NMNAT2: variants seen among roughly 807,000 people sequenced by gnomAD.
NMNAT2 encodes the protein nicotinamide/nicotinic acid mononucleotide adenylyltransferase 2.
NMNAT2 carries 11 observed loss-of-function variants against 41.6 expected under a neutral mutation model. That is an observed-to-expected ratio of 0.26 (90% CI 0.17 to 0.44). NMNAT2 has a LOEUF of 0.44. Ranked by LOEUF, NMNAT2 falls within the 20% of genes least tolerant of loss-of-function variation. NMNAT2 has a pLI of 1.00. For missense variants in NMNAT2, 288 were observed against 407.7 expected, an observed-to-expected ratio of 0.71 and a Z score of 2.53; for synonymous variants, 148 against 151.2, an observed-to-expected ratio of 0.98 and a Z score of 0.16.
intron 1 of NMNAT2, among the ~76,000 whole-genome samples, chr1:183,319,190 C>A (rs1571595454): frequency 6.6e-6 from 1 of 152,142 alleles, no homozygotes; most frequent in African/African-American, 2.4e-5. Flanking sequence ...GTTGACTCAC[C>A]CCAAAAAATC....
chr1:183,333,975 CAT>C (rs1182592063), intron 1 of NMNAT2, among the ~76,000 whole-genome samples: 5 of 152,162 alleles, frequency 3.3e-5, no homozygotes, highest in African/African-American at 9.7e-5. Flanking sequence ...AAAATGATCT[CAT>C]TGTTCCCAGT....
At position 183,249,729 on chromosome 1, in the gene NMNAT2, G is replaced by T; in HGVS notation, c.*2912C>A. 7.2e-6 allele frequency: 1 copy of T among 138,572 alleles called. No homozygotes were observed. The highest frequency in any genetic ancestry group is 1.5e-5 in the Non-Finnish European group (1 of 65,964). 8.6% of individuals were successfully genotyped at this position (138,572 alleles called of 1,614,324 possible). A position where few individuals can be genotyped will look rare whatever the true frequency, so the allele number is the denominator to read the frequency against. On this transcript the variant is annotated 3_prime_UTR_variant, in exon 11 of 11. Transcript: ENST00000287713. The stretch of plus-strand genomic sequence containing the variant: ...TGTGTGTGTGTGTGTGTGTGTGTGT[G>T]TGTTTGGGGGGTAGGGGGTGCGGCG...
chr1:183,399,505 C>T (rs1648749005), intron 1 of NMNAT2, among the ~76,000 whole-genome samples: 1 of 152,280 alleles, frequency 6.6e-6, no homozygotes, highest in African/African-American at 2.4e-5. Context: ...GGTACCATTC[C>T]TTCTGAAACT....
At chr1:183,307,658 G>T (rs6688595) in intron 1 of NMNAT2, among the ~76,000 whole-genome samples, 1 of 152,162 alleles carries the variant, frequency 6.6e-6, no homozygotes, top group African/African-American at 2.4e-5. Context: ...GGCTAGGCTG[G>T]TCTTGAACTC....
chr1:183,338,223 A>AGAACTATGATATG, intron 1 of NMNAT2, among the ~76,000 whole-genome samples: 1 of 150,086 alleles, frequency 6.7e-6, no homozygotes, highest in East Asian at 2.0e-4. Flanking sequence ...CAGATCATTA[A>AGAACTATGATATG]CCGTGAGGCA....
chr1:183,304,608 AT>A (rs1240141048), intron 1 of NMNAT2: 2 of 1,475,674 alleles, frequency 1.4e-6, no homozygotes, highest in Non-Finnish European at 1.9e-6. Context: ...TTTCTTGACC[AT>A]CTGCACCTCC....
intron 5 of NMNAT2, 140 bp from the exon 6 acceptor site, chr1:183,284,930 G>T: frequency 1.5e-6 from 1 of 668,942 alleles, no homozygotes; most frequent in South Asian, 1.7e-5. Flanking sequence ...GAGGTAGCAG[G>T]AGGGTAGAGA....
At chr1:183,387,923 T>G (rs1648306949) in intron 1 of NMNAT2, among the ~76,000 whole-genome samples, 2 of 152,158 alleles carry the variant, frequency 1.3e-5, no homozygotes, top group South Asian at 2.1e-4. Context: ...TACTAGTGAG[T>G]GAGGTCAGTC....
intron 1 of NMNAT2, among the ~76,000 whole-genome samples, chr1:183,408,173 C>A (rs1039803273): frequency 1.3e-5 from 2 of 152,170 alleles, no homozygotes; most frequent in South Asian, 2.1e-4. Context: ...TTCCAACACC[C>A]AGAGGTAGGT....
intron 1 of NMNAT2, among the ~76,000 whole-genome samples, chr1:183,355,165 A>G (rs1290825865): frequency 1.3e-5 from 2 of 151,532 alleles, no homozygotes; most frequent in Non-Finnish European, 2.9e-5. Flanking sequence ...CACCTTTCTC[A>G]CCTATTCATC....
At chr1:183,299,996 G>A (rs1375049205) in intron 1 of NMNAT2, among the ~76,000 whole-genome samples, 1 of 152,140 alleles carries the variant, frequency 6.6e-6, no homozygotes, top group Non-Finnish European at 1.5e-5. Flanking sequence ...TAAGAGATGG[G>A]GCCTTTGGGA....
At chr1:183,329,982 C>T (rs138057091) in intron 1 of NMNAT2, among the ~76,000 whole-genome samples, 62 of 152,338 alleles carry the variant, frequency 4.1e-4, no homozygotes, top group African/African-American at 1.4e-3. Context: ...CACAACTCCT[C>T]TTCCCCGCAA....
chr1:183,410,073 C>T (rs1649072660), intron 1 of NMNAT2, among the ~76,000 whole-genome samples: 2 of 151,708 alleles, frequency 1.3e-5, no homozygotes, highest in South Asian at 2.1e-4. Context: ...CTTTGGGAGG[C>T]TGAGGCAGGC....
chr1:183,394,980 C>T (rs1016985857), intron 1 of NMNAT2, among the ~76,000 whole-genome samples: 7 of 152,146 alleles, frequency 4.6e-5, no homozygotes, highest in Non-Finnish European at 5.9e-5. Context: ...ATGGCAGTTA[C>T]CCACCCTTCT....
intron 1 of NMNAT2, among the ~76,000 whole-genome samples, chr1:183,315,497 T>C (rs1662227026): frequency 6.6e-6 from 1 of 152,006 alleles, no homozygotes; most frequent in African/African-American, 2.4e-5. Context: ...TCAATCCAAA[T>C]TAAAGACATC....
In NMNAT2 at chr1:183,358,293, A is replaced by G. The variant is rs117548496; in HGVS notation, c.85+59890T>C. Among the ~76,000 whole-genome samples the G allele has an allele frequency of 1.1e-3, 170 of 152,314 alleles. 2 individuals carry two copies. The East Asian group carries it at 0.026, about 24-fold the overall frequency. ...GAGGGTGGAGGGTGGGAGGTGAGAG[A>G]GGATCAGGAAAAATAACTAATGGGC... On this transcript the variant is annotated intron_variant, in intron 1 of 10. Coordinates refer to ENST00000287713, the MANE Select transcript of NMNAT2 (RefSeq NM_015039.4).
At chr1:183,402,754 A>G (rs1283255458) in intron 1 of NMNAT2, among the ~76,000 whole-genome samples, 1 of 152,176 alleles carries the variant, frequency 6.6e-6, no homozygotes, top group African/African-American at 2.4e-5. Flanking sequence ...CAGGACAAGT[A>G]TCTGTAATTT....
rs1243247972 is a variant in NMNAT2, at chr1:183,383,797, G to GT, written c.85+34385dup. ...CTCCTCAGCCTGGACTTCACTGACT[G>GT]TATCACTATCAGTATTTTGGTCACA... On this transcript the variant is annotated intron_variant, in intron 1 of 10. Coordinates refer to ENST00000287713, the MANE Select transcript of NMNAT2 (RefSeq NM_015039.4). Among the ~76,000 whole-genome samples the GT allele has an allele frequency of 3.3e-5, 5 of 152,188 alleles. No individual in the cohort carries two copies. The East Asian group carries it at 9.6e-4, about 29-fold the overall frequency.
At chr1:183,392,657 C>A (rs1648516913) in intron 1 of NMNAT2, among the ~76,000 whole-genome samples, 1 of 152,202 alleles carries the variant, frequency 6.6e-6, no homozygotes, top group Non-Finnish European at 1.5e-5. Flanking sequence ...TCCTCCGCTC[C>A]AAACATACTA....
Sources: allele counts gnomAD v4.1 joint callset (sites outside exome capture counted in the v4.1 genomes callset), GRCh38; gene constraint gnomAD v4.1.1; transcripts MANE v1.5; gene names NCBI Gene and HGNC (gene_info 2026-07-23, HGNC 2026-07-21).